Variants in ATAD5 observed in about 807,000 individuals in gnomAD.
The protein encoded by ATAD5 is ATPase family AAA domain-containing protein 5.
ATAD5 carries 58 observed loss-of-function variants against 176.9 expected under a neutral mutation model. The ratio of observed to expected loss-of-function variants is 0.33; its 90% CI spans 0.27 to 0.41. The LOEUF (loss-of-function observed/expected upper bound fraction) is 0.41, where lower values mean the gene tolerates loss of function less well. Ranked by LOEUF, ATAD5 falls within the 10% of genes least tolerant of loss-of-function variation. The pLI, the probability that ATAD5 is intolerant of heterozygous loss-of-function variation, is 1.00. For synonymous variants in ATAD5, 640 were observed against 712.6 expected (o/e 0.90, Z 1.62); for missense variants, 1,789 against 2,094.1 (o/e 0.85, Z 2.84).
Position 30,835,204 on chromosome 17 carries a change from G to A in ATAD5, c.1123G>A (p.Glu375Lys). 1.2e-6 allele frequency: 2 copies of A among 1,614,002 alleles called. No homozygotes were observed. Among genetic ancestry groups the A allele is most frequent in the Non-Finnish European group, 1.7e-6 (2 of 1,179,948 alleles). ...AAGAAAATCTAATGTTGTTATACAG[G>A]AGGAAGAATTAGAATTGGCTGTTTT... ...QKRKSNVVIQEEELELAVLEA... is the reference protein window; with the variant it reads ...QKRKSNVVIQKEELELAVLEA... The change falls in exon 2 of 23, where the codon GAG becomes AAG. Residue 375 changes from glutamate (E) to lysine (K), a missense_variant. This residue lies in a region of ATAD5 where 696 missense variants were observed against 712.5 expected (regional missense o/e 0.98). Transcript: ENST00000321990.
In ATAD5 at chr17:30,868,324, T is replaced by C. The variant is rs1236056909; in HGVS notation, c.3234-9T>C. 8 of 1,563,154 alleles carry C rather than the reference T, an allele frequency of 5.1e-6. No homozygotes were observed. The highest frequency in any genetic ancestry group is 6.9e-6 in the Non-Finnish European group (8 of 1,159,584). On this transcript the variant is annotated splice_polypyrimidine_tract_variant and intron_variant, in intron 11 of 22. Transcript: ENST00000321990. ...TGTGAATTATTTTTATTATGTTTTC[T>C]TGTGGCAGTTGGTTGAAAGACTGGA...
At chr17:30,852,974 C>T (rs1000748005) in intron 6 of ATAD5, among the ~76,000 whole-genome samples, 1 of 151,738 alleles carries the variant, frequency 6.6e-6, no homozygotes, top group African/African-American at 2.4e-5. Flanking sequence ...CTGCAACTTC[C>T]GCCTCCTAGG....
At chr17:30,890,520 C>A (rs1482859379) in intron 19 of ATAD5, among the ~76,000 whole-genome samples, 1 of 143,988 alleles carries the variant, frequency 6.9e-6, no homozygotes, top group Non-Finnish European at 1.5e-5. Flanking sequence ...CTCCTGGGTT[C>A]AAGGGATTCT....
chr17:30,851,010 G>A (rs1348945979), intron 6 of ATAD5, among the ~76,000 whole-genome samples: 3 of 139,906 alleles, frequency 2.1e-5, no homozygotes, highest in East Asian at 2.3e-4. Context: ...TCAGCATCCC[G>A]AGTAGCTGGG....
At chr17:30,874,294 G>A (rs979839003) in intron 14 of ATAD5, among the ~76,000 whole-genome samples, 16 of 151,990 alleles carry the variant, frequency 1.1e-4, no homozygotes, top group African/African-American at 3.1e-4. Context: ...TGTAATCCCA[G>A]CACTTTGGGA....
chr17:30,883,577 G>A (rs62070648), intron 18 of ATAD5, among the ~76,000 whole-genome samples: 30,621 of 151,592 alleles, frequency 0.2, 3,617 homozygotes, highest in Non-Finnish European at 0.27. Flanking sequence ...ATGGAGTCTC[G>A]CTCTGTTGCC....
intron 14 of ATAD5, among the ~76,000 whole-genome samples, chr17:30,870,442 C>T (rs12103588): frequency 0.13 from 20,034 of 151,972 alleles, 1,462 homozygotes; most frequent in South Asian, 0.24. Flanking sequence ...ATCTATGGGC[C>T]TTATTAGATT....
In ATAD5 at chr17:30,832,114, C is replaced by T. The variant is rs1419281803; in HGVS notation, c.-234C>T. The T allele has an allele frequency of 2.5e-6, 1 of 395,986 alleles. No homozygotes were observed. The highest frequency in any genetic ancestry group is 2.1e-5 in the African/African-American group (1 of 48,350). The allele number at this position is 395,986 out of a possible 1,614,324, so 24.5% of individuals were successfully genotyped here. ...GGGCACCCTGCATACACTGGCCGCG[C>T]CTCAGGGATCTCATTGCCCGCGCTT... On this transcript the variant is annotated 5_prime_UTR_variant, in exon 1 of 23. Coordinates refer to ENST00000321990, the MANE Select transcript of ATAD5 (RefSeq NM_024857.5).
At position 30,876,449 on chromosome 17, in the gene ATAD5, C is replaced by A. The variant is rs776832822; in HGVS notation, c.3683C>A (p.Pro1228Gln). The stretch of plus-strand genomic sequence containing the variant: ...CCACCATCACCAAAAAGTAGTGGAC[C>A]AAAGCGAGCACTTCCTCCCAAAACC... ...VPPPSPKSSGPKRALPPKTLA... is the reference protein window; with the variant it reads ...VPPPSPKSSGQKRALPPKTLA... The change falls in exon 15 of 23, where the codon CCA (proline) becomes CAA (glutamine). Residue 1228 changes from proline to glutamine, a missense_variant. Pro to Gln is a moderately conservative substitution (Grantham distance 76, BLOSUM62 -1). Coordinates refer to ENST00000321990, the MANE Select transcript of ATAD5 (RefSeq NM_024857.5). 8.7e-6 allele frequency: 14 copies of A among 1,608,520 alleles called. No homozygotes were observed. The highest frequency in any genetic ancestry group is 1.2e-5 in the Non-Finnish European group (14 of 1,176,836).
chr17:30,833,180 G>A (rs1369894436), intron 1 of ATAD5, among the ~76,000 whole-genome samples: 2 of 151,068 alleles, frequency 1.3e-5, no homozygotes, highest in Non-Finnish European at 3.0e-5. Context: ...CTTAGTTTTT[G>A]TTTTTGTTTT....
At chr17:30,842,435 A>G (rs544772225) in intron 4 of ATAD5, among the ~76,000 whole-genome samples, 1 of 152,232 alleles carries the variant, frequency 6.6e-6, no homozygotes, top group African/African-American at 2.4e-5. Context: ...TATTATAACT[A>G]GTTAAACTAT....
At chr17:30,867,376 A>T (rs911267037) in intron 11 of ATAD5, among the ~76,000 whole-genome samples, 14 of 152,176 alleles carry the variant, frequency 9.2e-5, no homozygotes, top group African/African-American at 3.4e-4. Context: ...CTCCAGTGAC[A>T]AAGCAAGACT....
chr17:30,837,141 T>C, intron 2 of ATAD5, 65 bp from the exon 3 acceptor site: 1 of 903,188 alleles, frequency 1.1e-6, no homozygotes, highest in Non-Finnish European at 1.6e-6. Flanking sequence ...TATCTATATT[T>C]AATTGAGATT....
At chr17:30,847,887 T>C (rs950621898) in intron 6 of ATAD5, among the ~76,000 whole-genome samples, 3 of 150,480 alleles carry the variant, frequency 2.0e-5, no homozygotes, top group Non-Finnish European at 4.4e-5. Context: ...GCCTGGCTAA[T>C]TTTTTTGTAT....
intron 14 of ATAD5, among the ~76,000 whole-genome samples, chr17:30,873,030 G>C (rs1412146870): frequency 2.7e-5 from 4 of 149,732 alleles, no homozygotes; most frequent in South Asian, 2.2e-4. Flanking sequence ...CTTGAAAAGT[G>C]TTATTTCATA....
At chr17:30,872,402 T>C (rs2142404759) in intron 14 of ATAD5, among the ~76,000 whole-genome samples, 1 of 152,236 alleles carries the variant, frequency 6.6e-6, no homozygotes, top group African/African-American at 2.4e-5. Flanking sequence ...GATTGTTTCC[T>C]CTGATCTTTC....
chr17:30,842,145 C>T (rs1198152502), intron 4 of ATAD5, among the ~76,000 whole-genome samples: 6 of 151,726 alleles, frequency 4.0e-5, no homozygotes, highest in Non-Finnish European at 8.8e-5. Flanking sequence ...GGCGCGAGCC[C>T]GTAATCTCAG....
chr17:30,856,480 G>A (rs1171575340), intron 7 of ATAD5, among the ~76,000 whole-genome samples: 1 of 152,134 alleles, frequency 6.6e-6, no homozygotes, highest in Non-Finnish European at 1.5e-5. Flanking sequence ...ACAGAGTCTT[G>A]CTTTGTTGCC....
At chr17:30,847,711 A>G (rs947477416) in intron 6 of ATAD5, among the ~76,000 whole-genome samples, 3 of 145,148 alleles carry the variant, frequency 2.1e-5, no homozygotes, top group African/African-American at 7.7e-5. Flanking sequence ...ATAGACTGCT[A>G]TGAACATTTT....
Sources: gnomAD v4.1 joint callset for allele counts (sites outside exome capture counted in the v4.1 genomes callset) on GRCh38, gnomAD v4.1.1 for gene constraint, gnomAD v4.1.1 regional missense constraint, MANE v1.5 for transcripts, NCBI Gene and HGNC (gene_info 2026-07-23, HGNC 2026-07-21) for gene names.